Variants in TMEM132D observed in about 807,000 individuals in gnomAD.
TMEM132D encodes mature OL transmembrane protein.
A neutral mutation model predicts 62.3 loss-of-function variants in TMEM132D; 21 were observed. The observed-to-expected ratio is 0.34, with a 90% CI of 0.24 to 0.49. The LOEUF is 0.49. Among genes scored for constraint, TMEM132D ranks in the 20% least tolerant of loss-of-function variants. The pLI is 0.99. For synonymous variants in TMEM132D, 621 were observed against 575.6 expected, an observed-to-expected ratio of 1.08 and a Z score of -1.13; for missense variants, 1,346 against 1,402.8, an observed-to-expected ratio of 0.96 and a Z score of 0.65.
rs60836498 is a variant in TMEM132D at position 129,311,197 on chromosome 12, CAAAAAAAAAAAAAAAAAAAAAAAAAA to C, written c.1299+26411_1299+26436del. 6.7e-5 allele frequency among the ~76,000 whole-genome samples: 2 copies of C among 29,670 alleles called. 1 individual carries two copies. The highest frequency in any genetic ancestry group is 6.3e-3 in the South Asian group (2 of 316). 19.5% of individuals were successfully genotyped at this position (29,670 alleles called of 152,430 possible). On this transcript the variant is annotated intron_variant, in intron 4 of 8. Transcript: ENST00000422113. ...TGGGCGACAGAGCGAGACTCCGTCT[CAAAAAAAAAAAAAAAAAAAAAAAAAA>C]AAAAAAAAAAAAGGAACAGGACAGA...
intron 3 of TMEM132D, among the ~76,000 whole-genome samples, chr12:129,420,533 C>A (rs996551736): frequency 1.3e-5 from 2 of 152,076 alleles, no homozygotes; most frequent in African/African-American, 4.8e-5. Context: ...CCCAACAGGA[C>A]AGCCGCAACA....
At chr12:129,503,930 T>C (rs572377044) in intron 3 of TMEM132D, among the ~76,000 whole-genome samples, 1 of 152,216 alleles carries the variant, frequency 6.6e-6, no homozygotes, top group East Asian at 1.9e-4. Context: ...ATCATCATCA[T>C]TACTGTCATC....
At chr12:129,739,535 T>A (rs1324977377) in intron 1 of TMEM132D, among the ~76,000 whole-genome samples, 1 of 152,204 alleles carries the variant, frequency 6.6e-6, no homozygotes, top group Non-Finnish European at 1.5e-5. Context: ...ACAAATGGGA[T>A]TTCCTGGACT....
intron 2 of TMEM132D, among the ~76,000 whole-genome samples, chr12:129,567,268 A>G (rs1877391980): frequency 6.6e-6 from 1 of 152,244 alleles, no homozygotes; most frequent in African/African-American, 2.4e-5. Flanking sequence ...GAAGTGCAAC[A>G]TCACTAGTGA....
intron 3 of TMEM132D, among the ~76,000 whole-genome samples, chr12:129,515,624 C>A (rs1875650486): frequency 6.6e-6 from 1 of 152,186 alleles, no homozygotes; most frequent in Admixed American, 6.5e-5. Context: ...TAAAGGAATT[C>A]TCTGACCTAC....
At chr12:129,757,061 G>A (rs561254703) in intron 1 of TMEM132D, among the ~76,000 whole-genome samples, 1 of 152,264 alleles carries the variant, frequency 6.6e-6, no homozygotes, top group South Asian at 2.1e-4. Context: ...CAAACAGAAA[G>A]GGAACATCAT....
chr12:129,798,031 T>C (rs1376639262), intron 1 of TMEM132D, among the ~76,000 whole-genome samples: 1 of 152,110 alleles, frequency 6.6e-6, no homozygotes, highest in East Asian at 1.9e-4. Context: ...TCTTGAGAGA[T>C]CTGGTTGTTT....
intron 5 of TMEM132D, among the ~76,000 whole-genome samples, chr12:129,190,957 T>C (rs866770048): frequency 3.9e-5 from 6 of 152,044 alleles, no homozygotes; most frequent in African/African-American, 1.4e-4. Context: ...GCACAAAAGG[T>C]GTAGTCTCAG....
chr12:129,337,871 C>G (rs985519360), intron 3 of TMEM132D, 54 bp from the exon 4 acceptor site: 1 of 1,524,356 alleles, frequency 6.6e-7, no homozygotes, highest in Admixed American at 2.1e-5. Flanking sequence ...AGGTATGGCA[C>G]GCTTGGCAGA....
At chr12:129,432,171 A>T (rs370451891) in intron 3 of TMEM132D, among the ~76,000 whole-genome samples, 17,701 of 140,632 alleles carry the variant, frequency 0.13, 1,155 homozygotes, top group Middle Eastern at 0.2. Context: ...GGATGGATGG[A>T]TGGATGGATG....
chr12:129,109,173 G>C (rs918184381), intron 5 of TMEM132D, among the ~76,000 whole-genome samples: 1 of 152,188 alleles, frequency 6.6e-6, no homozygotes, highest in African/African-American at 2.4e-5. Flanking sequence ...GAGCTTCTGC[G>C]GGAGGAAGAG....
chr12:129,421,758 A>G (rs868047233), intron 3 of TMEM132D, among the ~76,000 whole-genome samples: 20 of 152,320 alleles, frequency 1.3e-4, no homozygotes, highest in African/African-American at 4.8e-4. Context: ...GTGTTTATAA[A>G]TGACATAGCA....
intron 4 of TMEM132D, among the ~76,000 whole-genome samples, chr12:129,283,573 T>A (rs576729388): frequency 6.6e-6 from 1 of 152,302 alleles, no homozygotes; most frequent in Admixed American, 6.5e-5. Flanking sequence ...TCTACTGAAT[T>A]TTTTTTCCCA....
At chr12:129,652,081 G>A (rs779446251) in intron 2 of TMEM132D, among the ~76,000 whole-genome samples, 11 of 152,174 alleles carry the variant, frequency 7.2e-5, no homozygotes, top group African/African-American at 1.4e-4. Context: ...CATAGGAAGA[G>A]GCATGTATAA....
At chr12:129,539,738 AC>A (rs1876533822) in intron 2 of TMEM132D, among the ~76,000 whole-genome samples, 2 of 151,908 alleles carry the variant, frequency 1.3e-5, no homozygotes, top group African/African-American at 4.8e-5. Context: ...ATGTTTTCGG[AC>A]CCCAGAAAGC....
At chr12:129,671,376 T>C (rs568880182) in intron 2 of TMEM132D, among the ~76,000 whole-genome samples, 2 of 152,300 alleles carry the variant, frequency 1.3e-5, no homozygotes, top group South Asian at 2.1e-4. Flanking sequence ...ATGAAAAATA[T>C]ATGCCCTAAT....
chr12:129,469,900 AT>A (rs758886095), intron 3 of TMEM132D, among the ~76,000 whole-genome samples: 77 of 152,316 alleles, frequency 5.1e-4, no homozygotes, highest in South Asian at 1.7e-3. Flanking sequence ...ACTTCTGTGA[AT>A]TGCCTGCTCC....
intron 2 of TMEM132D, among the ~76,000 whole-genome samples, chr12:129,620,120 C>G (rs1879025416): frequency 6.6e-6 from 1 of 152,214 alleles, no homozygotes; most frequent in Non-Finnish European, 1.5e-5. Context: ...TCTGCACATC[C>G]TTTCAAGTCC....
Position 129,277,628 on chromosome 12 carries a change from A to G in TMEM132D, c.1299+60006T>C, listed in dbSNP as rs1486790243. Among the ~76,000 whole-genome samples, 1 of 152,244 alleles carries G rather than the reference A, an allele frequency of 6.6e-6. No homozygotes were observed. Among genetic ancestry groups the G allele is most frequent in the Non-Finnish European group, 1.5e-5 (1 of 68,038 alleles). Reference sequence around the variant, plus strand: ...ACCAAAGTTGCTCATTTAAAAATTTAAAAGATTACATTTGAAAGTTAGAAA... The same window carrying G: ...ACCAAAGTTGCTCATTTAAAAATTTGAAAGATTACATTTGAAAGTTAGAAA... On this transcript the variant is annotated intron_variant, in intron 4 of 8. Transcript: ENST00000422113. This position sits in a 1 kb window ranked among gnomAD's most constrained non-coding sequence, Gnocchi z 4.2.
Sources: gnomAD v4.1 joint callset for allele counts (sites outside exome capture counted in the v4.1 genomes callset) on GRCh38, gnomAD v4.1.1 for gene constraint, Gnocchi (gnomAD v3.1) non-coding constraint, MANE v1.5 for transcripts, NCBI Gene and HGNC (gene_info 2026-07-23, HGNC 2026-07-21) for gene names.